The following CARS2 variants were observed in gnomAD, a reference collection of about 807,000 sequenced individuals.
The protein encoded by CARS2 is probable cysteine--tRNA ligase, mitochondrial.
Under a neutral mutation model 68.8 loss-of-function variants are expected in CARS2, and 52 were observed. The observed-to-expected ratio is 0.76, with a 90% CI of 0.61 to 0.95. CARS2 has a LOEUF of 0.95. Among genes scored for constraint, CARS2 ranks in the 40% least tolerant of loss-of-function variants. The pLI, the probability that CARS2 is intolerant of heterozygous loss-of-function variation, is 0.00. For missense variants in CARS2, 780 were observed against 754.2 expected (o/e 1.03, Z -0.40); for synonymous variants, 314 against 303.6 (o/e 1.03, Z -0.36).
chr13:110,667,562 T>C lies in CARS2; in HGVS notation c.786-89A>G, dbSNP rs2062683943. 3.4e-6 allele frequency: 4 copies of C among 1,169,216 alleles called. No individual in the cohort carries two copies. The East Asian group carries it at 1.0e-4, about 30-fold the overall frequency. 72.4% of individuals were successfully genotyped at this position (1,169,216 alleles called of 1,614,324 possible). A position where few individuals can be genotyped will look rare whatever the true frequency, so the allele number is the denominator to read the frequency against. On this transcript the variant is annotated intron_variant, in intron 7 of 14. Transcript: ENST00000257347. ...GTCTATTTATTCCTTCCAGCCTTTT[T>C]AATTCAATGAATAAATGGATCTCAG...
At chr13:110,709,783 ACCCT>A (rs1195943478), upstream of CARS2, among the ~76,000 whole-genome samples, 3 of 152,108 alleles carry the variant, frequency 2.0e-5, no homozygotes, top group African/African-American at 7.2e-5. Context: ...CCTCTAGAGA[ACCCT>A]GACTAATACA....
rs1436775269 is a variant in CARS2 at position 110,642,355 on chromosome 13, G to T, written c.1583C>A (p.Thr528Asn). ...ERQPLLEACD[T>N]LRRGLTAHGI... is the part of the protein sequence containing the mutation. ...GTGGGCAGTCAGGCCCCGGCGCAGG[G>T]TGTCGCATGCTTCCAGCAGGGGCTG... The change falls in exon 14 of 15, where the codon ACC becomes AAC. Residue 528 changes from threonine (T) to asparagine (N), a missense_variant. Coordinates refer to ENST00000257347, the MANE Select transcript of CARS2 (RefSeq NM_024537.4). The T allele has an allele frequency of 6.4e-7, 1 of 1,553,484 alleles. No individual in the cohort carries two copies. The highest frequency in any genetic ancestry group is 1.9e-5 in the Admixed American group (1 of 51,378).
intron 13 of CARS2, 97 bp downstream of exon 13, chr13:110,644,288 G>A: frequency 7.4e-7 from 1 of 1,354,192 alleles, no homozygotes. Flanking sequence ...ACATTAGTGT[G>A]GCATCATAAT....
At chr13:110,706,800 C>G (rs1338430694), upstream of CARS2, among the ~76,000 whole-genome samples, 2 of 149,936 alleles carry the variant, frequency 1.3e-5, no homozygotes, top group South Asian at 4.2e-4. Flanking sequence ...CAGTGTGCAC[C>G]CCAATACAGT....
In CARS2 at chr13:110,651,055, G is replaced by A; in HGVS notation, c.1033C>T (p.Leu345=). 1 of 1,613,440 alleles carries A rather than the reference G, an allele frequency of 6.2e-7. No individual in the cohort carries two copies. Among genetic ancestry groups the A allele is most frequent in the South Asian group, 1.1e-5 (1 of 91,062 alleles). ...TCACCTGAGCGGTAGCTGCTCCGCA[G>A]GCAGAAGAACCGGAAGACATCGGGG... The part of the protein sequence containing the change: ...FSPDVFRFFC[L]RSSYRSAIDY... Residue 345 remains leucine, a synonymous_variant, in exon 10 of 15, where the codon CTG becomes TTG. Transcript: ENST00000257347.
At chr13:110,690,959 C>T (rs1267065071) in intron 3 of CARS2, among the ~76,000 whole-genome samples, 1 of 152,262 alleles carries the variant, frequency 6.6e-6, no homozygotes, top group Non-Finnish European at 1.5e-5. Flanking sequence ...TAGTTATCCA[C>T]ACCTGTGTTT....
intron 6 of CARS2, among the ~76,000 whole-genome samples, chr13:110,682,798 A>T (rs1251354162): frequency 3.9e-5 from 6 of 152,334 alleles, no homozygotes; most frequent in Admixed American, 6.5e-5. Context: ...GACAGTGACC[A>T]GCACTGTCTC....
chr13:110,668,677 T>C lies in CARS2; in HGVS notation c.786-1204A>G, dbSNP rs991060936. The stretch of plus-strand genomic sequence containing the variant: ...GGGATGGGAGGGGCCTCATTTGTAT[T>C]TGGATGGGCAATTCTCCCTTCCGAA... On this transcript the variant is annotated intron_variant, in intron 7 of 14. Transcript: ENST00000257347. This position sits in a 1 kb window ranked among gnomAD's most constrained non-coding sequence, Gnocchi z 4.1. Among the ~76,000 whole-genome samples, 19 of 152,160 alleles carry C rather than the reference T, an allele frequency of 1.2e-4. No individual in the cohort carries two copies. The highest frequency in any genetic ancestry group is 7.2e-4 in the Admixed American group (11 of 15,270).
upstream of CARS2, among the ~76,000 whole-genome samples, chr13:110,707,950 C>G (rs1202472382): frequency 6.6e-6 from 1 of 152,198 alleles, no homozygotes; most frequent in African/African-American, 2.4e-5. Flanking sequence ...TTAGGAGACC[C>G]TATAGCCTAC....
At chr13:110,682,013 T>G (rs1284582737) in intron 6 of CARS2, among the ~76,000 whole-genome samples, 3 of 151,926 alleles carry the variant, frequency 2.0e-5, no homozygotes, top group African/African-American at 7.3e-5. Context: ...CGCTATACAT[T>G]CACCCAAACC....
At chr13:110,644,140 T>C in intron 13 of CARS2, 1 of 1,409,468 alleles carries the variant, frequency 7.1e-7, no homozygotes, top group Non-Finnish European at 9.4e-7. Context: ...ATTCTGTTGC[T>C]GAGATGGACT....
chr13:110,706,033 GGCC>G lies in CARS2; in HGVS notation c.58_60del (p.Gly20del), dbSNP rs1425284400. 7.2e-7 allele frequency: 1 copy of G among 1,381,354 alleles called. No individual in the cohort carries two copies. The highest frequency in any genetic ancestry group is 9.3e-7 in the Non-Finnish European group (1 of 1,070,156). 85.6% of individuals were successfully genotyped at this position (1,381,354 alleles called of 1,614,324 possible). A position where few individuals can be genotyped will look rare whatever the true frequency, so the allele number is the denominator to read the frequency against. ...GGCCAGTGCCACCCAGCCCGCCCAA[GGCC>G]CAGCGCGGCCTGGAGCAGCGGGGGG... is the stretch of plus-strand genomic sequence containing the variant. On this transcript the variant is annotated inframe_deletion, in exon 1 of 15. Transcript: ENST00000257347.
At chr13:110,648,306 G>C (rs1888408671) in intron 10 of CARS2, 1 of 152,234 alleles carries the variant, frequency 6.6e-6, no homozygotes, top group African/African-American at 2.4e-5. Flanking sequence ...GAGGCTGTTA[G>C]AATAAGATTA....
At chr13:110,666,386 C>T (rs1341523939) in intron 8 of CARS2, 1 of 985,418 alleles carries the variant, frequency 1.0e-6, no homozygotes, top group East Asian at 1.1e-4. Flanking sequence ...AACAGCCACG[C>T]AGCCAGCTTT....
Position 110,705,693 on chromosome 13 carries a change from T to C in CARS2, c.225-122A>G, listed in dbSNP as rs1427781582. The C allele has an allele frequency of 4.7e-6, 7 of 1,498,610 alleles. No homozygotes were observed. The Admixed American group carries it at 1.4e-4, about 29-fold the overall frequency. The allele number at this position is 1,498,610 out of a possible 1,614,324, so 92.8% of individuals were successfully genotyped here. On this transcript the variant is annotated intron_variant, in intron 1 of 14. Coordinates refer to ENST00000257347, the MANE Select transcript of CARS2 (RefSeq NM_024537.4). The surrounding 1 kb of genome is among the most constrained non-coding windows in gnomAD (Gnocchi z 4.0). Reference sequence around the variant, plus strand: ...CTTCTGGGGGATGAATAGCCGGGGTTTTCATACTTGCTCAATTCACACCCA... The same window carrying C: ...CTTCTGGGGGATGAATAGCCGGGGTCTTCATACTTGCTCAATTCACACCCA...
chr13:110,712,934 G>T, intron 1 of CARS2: 1 of 1,557,600 alleles, frequency 6.4e-7, no homozygotes. Flanking sequence ...GCAGGCGCGG[G>T]AGCCGCCTAG....
chr13:110,712,729 G>A (rs1462006909), intron 1 of CARS2: 4 of 696,932 alleles, frequency 5.7e-6, no homozygotes, highest in Non-Finnish European at 7.9e-6. Context: ...CCAAGTGTGG[G>A]GAGCGGCCTC....
At chr13:110,664,048 T>A (rs1433267700) in intron 8 of CARS2, 5 of 985,268 alleles carry the variant, frequency 5.1e-6, no homozygotes, top group Non-Finnish European at 3.6e-6. Flanking sequence ...TTTCATCCCC[T>A]ATGTATGTGA....
In CARS2 at chr13:110,644,021, C is replaced by T. The variant is rs1018042093; in HGVS notation, c.1416+364G>A. The T allele has an allele frequency of 1.7e-5, 18 of 1,042,006 alleles. No individual in the cohort carries two copies. The East Asian group carries it at 8.4e-4, about 49-fold the overall frequency. 64.5% of individuals were successfully genotyped at this position (1,042,006 alleles called of 1,614,324 possible). The stretch of plus-strand genomic sequence containing the variant: ...ATGTGCCAGGCAAGGGGGCTCAGGT[C>T]GCCAACTTGCCCTCAAATGGGTCAG... On this transcript the variant is annotated intron_variant, in intron 13 of 14. Coordinates refer to ENST00000257347, the MANE Select transcript of CARS2 (RefSeq NM_024537.4).
Sources: allele counts gnomAD v4.1 joint callset (sites outside exome capture counted in the v4.1 genomes callset), GRCh38; gene constraint gnomAD v4.1.1; non-coding constraint Gnocchi (gnomAD v3.1); transcripts MANE v1.5; gene names NCBI Gene and HGNC (gene_info 2026-07-23, HGNC 2026-07-21).